Variants in IL1RAPL2 observed in about 807,000 individuals in gnomAD.
The protein encoded by IL1RAPL2 is interleukin 1 receptor accessory protein like 2.
A neutral mutation model predicts 44.1 loss-of-function variants in IL1RAPL2; 3 were observed. That is an observed-to-expected ratio of 0.07 (90% CI 0.03 to 0.18). The LOEUF (loss-of-function observed/expected upper bound fraction) is 0.18, where lower values mean the gene tolerates loss of function less well. Ranked by LOEUF, IL1RAPL2 falls within the 10% of genes least tolerant of loss-of-function variation. The probability of loss-of-function intolerance (pLI) is 1.00; values close to 1 mark genes in which losing one functional copy is unlikely to be tolerated. For missense variants in IL1RAPL2, 391 were observed against 496.4 expected, an observed-to-expected ratio of 0.79 and a Z score of 2.02; for synonymous variants, 181 against 178.8, an observed-to-expected ratio of 1.01 and a Z score of -0.10.
At chrX:104,942,150 T>G (rs1445027858) in intron 2 of IL1RAPL2, among the ~76,000 whole-genome samples, 1 of 112,056 alleles carries the variant, frequency 8.9e-6, no homozygotes, top group African/African-American at 3.2e-5. Flanking sequence ...TCCAGCTTTG[T>G]TCTTTTGGCT....
chrX:104,915,493 A>T (rs1278306987), intron 2 of IL1RAPL2, among the ~76,000 whole-genome samples: 2 of 111,162 alleles, frequency 1.8e-5, no homozygotes, highest in Admixed American at 1.9e-4. Context: ...TAGATTGCAA[A>T]AATTTTTTTT....
chrX:105,401,972 GA>G (rs1439783530), intron 5 of IL1RAPL2, among the ~76,000 whole-genome samples: 2 of 109,788 alleles, frequency 1.8e-5, no homozygotes, highest in African/African-American at 6.6e-5. Flanking sequence ...TTAGGTGCTT[GA>G]AAAAAATTGT....
chrX:105,154,606 T>C (rs768944761), intron 2 of IL1RAPL2, among the ~76,000 whole-genome samples: 1 of 111,808 alleles, frequency 8.9e-6, no homozygotes, highest in African/African-American at 3.3e-5. Flanking sequence ...AAGTTTGTTT[T>C]GTTTTGTTTT....
chrX:105,195,517 T>A lies in IL1RAPL2; in HGVS notation c.125T>A (p.Met42Lys). The A allele has an allele frequency of 8.3e-7, 1 of 1,211,792 alleles. No homozygotes were observed. The highest frequency in any genetic ancestry group is 1.7e-5 in the African/African-American group (1 of 57,937). Reference sequence around the variant, plus strand: ...TGGTCAGTGGATCTCAAGACATACATGGCTTTGGCAGGTGAACCAGTCCGA... The same window carrying A: ...TGGTCAGTGGATCTCAAGACATACAAGGCTTTGGCAGGTGAACCAGTCCGA... ...IDWSVDLKTYMALAGEPVRVK... is the reference protein window; with the variant it reads ...IDWSVDLKTYKALAGEPVRVK... The change falls in exon 3 of 11, where the codon ATG becomes AAG. Residue 42 changes from methionine (M) to lysine (K), a missense_variant. This residue lies in a region of IL1RAPL2 where 159 missense variants were observed against 251.7 expected (regional missense o/e 0.63). Transcript: ENST00000372582.
At chrX:104,611,076 T>C (rs1841987159) in intron 1 of IL1RAPL2, among the ~76,000 whole-genome samples, 1 of 111,660 alleles carries the variant, frequency 9.0e-6, no homozygotes, top group Admixed American at 9.5e-5. Flanking sequence ...AGAGCTCTCC[T>C]GTATGGGGTG....
intron 6 of IL1RAPL2, among the ~76,000 whole-genome samples, chrX:105,665,375 G>T (rs2037753107): frequency 9.1e-6 from 1 of 110,399 alleles, no homozygotes; most frequent in Non-Finnish European, 1.9e-5. Flanking sequence ...GTGTGTGTGT[G>T]TGTAATTTAA....
intron 6 of IL1RAPL2, among the ~76,000 whole-genome samples, chrX:105,511,396 C>G (rs190696320): frequency 9.0e-6 from 1 of 111,387 alleles, no homozygotes; most frequent in East Asian, 2.8e-4. Context: ...AAGTCTCTTT[C>G]CTGTAGGCTA....
At chrX:105,543,871 C>A (rs780911547) in intron 6 of IL1RAPL2, among the ~76,000 whole-genome samples, 1 of 111,744 alleles carries the variant, frequency 8.9e-6, no homozygotes. Flanking sequence ...CAAAAGTATT[C>A]TTTTTCAAGA....
chrX:105,228,896 G>A (rs1439750040), intron 3 of IL1RAPL2, among the ~76,000 whole-genome samples: 2 of 112,049 alleles, frequency 1.8e-5, no homozygotes, highest in Admixed American at 9.5e-5. Flanking sequence ...TACTTACCCT[G>A]CCCATTTTCC....
At chrX:105,174,872 G>T (rs1267429064) in intron 2 of IL1RAPL2, among the ~76,000 whole-genome samples, 4 of 111,500 alleles carry the variant, frequency 3.6e-5, no homozygotes, top group Admixed American at 1.9e-4. Flanking sequence ...ATAACAATAA[G>T]ATCGCTATAA....
chrX:104,947,484 C>T (rs1444584199), intron 2 of IL1RAPL2, among the ~76,000 whole-genome samples: 23 of 102,500 alleles, frequency 2.2e-4, no homozygotes, highest in Non-Finnish European at 4.0e-4. Context: ...GACATGAAGT[C>T]CTTGCCCACG....
chrX:105,347,824 A>G (rs1249191985), intron 5 of IL1RAPL2, among the ~76,000 whole-genome samples: 1 of 111,469 alleles, frequency 9.0e-6, no homozygotes, highest in Non-Finnish European at 1.9e-5. Context: ...TGCCAGTAGC[A>G]CACATACTCC....
chrX:105,090,831 C>A (rs773150299), intron 2 of IL1RAPL2, among the ~76,000 whole-genome samples: 2 of 112,094 alleles, frequency 1.8e-5, no homozygotes, highest in East Asian at 5.6e-4. Context: ...CTCCCAGGTA[C>A]ACTCTGGGGT....
chrX:104,740,922 A>G (rs765001939), intron 2 of IL1RAPL2, among the ~76,000 whole-genome samples: 8 of 111,558 alleles, frequency 7.2e-5, no homozygotes, highest in African/African-American at 2.3e-4. Context: ...TGCAGTGTCC[A>G]GTTAAATGCC....
At chrX:104,718,151 C>A (rs1931612318) in intron 2 of IL1RAPL2, among the ~76,000 whole-genome samples, 1 of 110,863 alleles carries the variant, frequency 9.0e-6, no homozygotes, top group South Asian at 3.8e-4. Context: ...AATGGAATTT[C>A]TAGTTCTAGA....
intron 2 of IL1RAPL2, among the ~76,000 whole-genome samples, chrX:104,695,850 CA>C (rs1326224361): frequency 3.6e-5 from 4 of 111,157 alleles, no homozygotes; most frequent in African/African-American, 1.3e-4. Flanking sequence ...CTCTGTCACC[CA>C]AGCTGGAGTA....
At chrX:105,227,550 A>G (rs1452643452) in intron 3 of IL1RAPL2, among the ~76,000 whole-genome samples, 1 of 112,007 alleles carries the variant, frequency 8.9e-6, no homozygotes, top group Non-Finnish European at 1.9e-5. Flanking sequence ...TAGCATAGAT[A>G]TTTTTATCCT....
At chrX:105,095,335 G>A (rs929435303) in intron 2 of IL1RAPL2, among the ~76,000 whole-genome samples, 1 of 111,563 alleles carries the variant, frequency 9.0e-6, no homozygotes, top group Non-Finnish European at 1.9e-5. Context: ...GATTGAGGAT[G>A]TTTCTGTCTA....
At chrX:105,215,309 C>T (rs1299105172) in intron 3 of IL1RAPL2, among the ~76,000 whole-genome samples, 1 of 111,933 alleles carries the variant, frequency 8.9e-6, no homozygotes, top group African/African-American at 3.2e-5. Flanking sequence ...ATGCAAACTA[C>T]CAACAGAGAA....
Sources: allele counts gnomAD v4.1 joint callset (sites outside exome capture counted in the v4.1 genomes callset), GRCh38; gene constraint gnomAD v4.1.1; regional missense constraint gnomAD v4.1.1; transcripts MANE v1.5; gene names NCBI Gene and HGNC (gene_info 2026-07-23, HGNC 2026-07-21).